Variants in ILDR2 observed in about 807,000 individuals in gnomAD.
ILDR2 encodes the protein immunoglobulin-like domain-containing receptor 2.
In ILDR2, 25 loss-of-function variants were observed where a neutral mutation model predicts 66.8. That is an observed-to-expected ratio of 0.37 (90% CI 0.27 to 0.52). The LOEUF is 0.52. ILDR2 is among the 20% of genes least tolerant of loss of function. The pLI is 0.88. For missense variants in ILDR2, 827 were observed against 876.8 expected (o/e 0.94, Z 0.72); for synonymous variants, 367 against 357.2 (o/e 1.03, Z -0.31).
chr1:166,960,085 G>A (rs1215943056), intron 1 of ILDR2, among the ~76,000 whole-genome samples: 1 of 152,152 alleles, frequency 6.6e-6, no homozygotes, highest in Non-Finnish European at 1.5e-5. Context: ...CAAGATACAT[G>A]TTTGTACTCA....
chr1:166,964,017 T>C (rs1662779886), intron 1 of ILDR2, among the ~76,000 whole-genome samples: 1 of 151,932 alleles, frequency 6.6e-6, no homozygotes, highest in Non-Finnish European at 1.5e-5. Context: ...AAGCAGGTAT[T>C]CTGGAAAACT....
At chr1:166,944,656 C>T (rs796994774) in intron 3 of ILDR2, among the ~76,000 whole-genome samples, 6 of 152,248 alleles carry the variant, frequency 3.9e-5, no homozygotes, top group African/African-American at 1.4e-4. Flanking sequence ...TAGGTTAGCC[C>T]CCTCAAAGCA....
At chr1:166,935,159 A>T (rs1660872195) in intron 6 of ILDR2, 142 bp downstream of exon 6, 2 of 827,546 alleles carry the variant, frequency 2.4e-6, no homozygotes, top group Non-Finnish European at 3.9e-6. Flanking sequence ...AAGATATCTG[A>T]CATAGCTGGA....
intron 2 of ILDR2, among the ~76,000 whole-genome samples, chr1:166,897,359 A>G (rs1177576475): frequency 6.6e-6 from 1 of 152,114 alleles, no homozygotes; most frequent in African/African-American, 2.4e-5. Context: ...GGTAAACTCT[A>G]AACTTTGGGA....
intron 3 of ILDR2, among the ~76,000 whole-genome samples, chr1:166,948,138 C>T (rs1035928135): frequency 3.3e-5 from 5 of 152,060 alleles, no homozygotes; most frequent in African/African-American, 9.7e-5. Flanking sequence ...TGCCAGATAG[C>T]AGCAGGGTTC....
At position 166,975,177 on chromosome 1, in the gene ILDR2, A is replaced by G. The variant is rs1196889139; in HGVS notation, c.46+46T>C. 7 of 1,481,868 alleles carry G rather than the reference A, an allele frequency of 4.7e-6. No individual in the cohort carries two copies. In the South Asian group the frequency reaches 5.7e-5, roughly 12 times the overall value. 91.8% of individuals were successfully genotyped at this position (1,481,868 alleles called of 1,614,324 possible). A position where few individuals can be genotyped will look rare whatever the true frequency, so the allele number is the denominator to read the frequency against. On this transcript the variant is annotated intron_variant, in intron 1 of 9. Coordinates refer to ENST00000271417, the MANE Select transcript of ILDR2 (RefSeq NM_199351.3). ...GGGGCGCGGTGAGAACAGAACCACT[A>G]CAGGAATATACAAAGTTATTCGTTT...
intron 1 of ILDR2, among the ~76,000 whole-genome samples, chr1:166,963,269 C>T (rs1261926159): frequency 1.3e-5 from 2 of 152,230 alleles, no homozygotes; most frequent in Non-Finnish European, 2.9e-5. Flanking sequence ...AAAATGCTTA[C>T]TGTGTGTCAG....
At chr1:166,946,795 C>T (rs1661638286) in intron 3 of ILDR2, among the ~76,000 whole-genome samples, 1 of 152,214 alleles carries the variant, frequency 6.6e-6, no homozygotes, top group African/African-American at 2.4e-5. Flanking sequence ...CACCAACTGC[C>T]TTCTAGTCTC....
Position 166,957,949 on chromosome 1 carries a change from C to T in ILDR2, c.199G>A (p.Gly67Arg), listed in dbSNP as rs1662379229. 10 of 1,614,114 alleles carry T rather than the reference C, an allele frequency of 6.2e-6. No individual in the cohort carries two copies. Among genetic ancestry groups the T allele is most frequent in the Non-Finnish European group, 7.6e-6 (9 of 1,180,024 alleles). Residue 67 changes from glycine to arginine, a missense_variant, in exon 2 of 10, where the codon GGA becomes AGA. Gly to Arg is a moderately radical substitution (Grantham distance 125). Transcript: ENST00000271417. Reference protein sequence around the residue: ...KFKSYCQDRMGESLGMSSTRA... With the variant: ...KFKSYCQDRMRESLGMSSTRA... ...GTAGAGGACATGCCCAAGGATTCTCCCATGCGATCCTGGCAGTAGGACTTG... is the reference window on the plus strand; with the variant it reads ...GTAGAGGACATGCCCAAGGATTCTCTCATGCGATCCTGGCAGTAGGACTTG...
chr1:166,947,755 C>A (rs979408854), intron 3 of ILDR2, among the ~76,000 whole-genome samples: 31 of 152,186 alleles, frequency 2.0e-4, no homozygotes, highest in Non-Finnish European at 4.3e-4. Context: ...CCCGGGGTAA[C>A]CACGGTAACC....
rs1020409110 is a variant in ILDR2, at chr1:166,908,252, C to G, written c.*11103G>C. The G allele has an allele frequency of 6.6e-6, 1 of 152,142 alleles. No homozygotes were observed. The highest frequency in any genetic ancestry group is 1.9e-4 in the East Asian group (1 of 5,198). 9.4% of individuals were successfully genotyped at this position (152,142 alleles called of 1,614,324 possible). ...TCTGGGAAGTCCAAGCTCAGTGCAC[C>G]AATACATTCAGTTCCTGGCGAAGGT... is the stretch of plus-strand genomic sequence containing the variant. On this transcript the variant is annotated 3_prime_UTR_variant, in exon 10 of 10. Transcript: ENST00000271417.
rs895640238 is a variant in ILDR2, at chr1:166,915,184, TTC to T, written c.*4169_*4170del. 5.9e-5 allele frequency: 9 copies of T among 152,212 alleles called. No homozygotes were observed. Among genetic ancestry groups the T allele is most frequent in the Non-Finnish European group, 1.2e-4 (8 of 68,048 alleles). The allele number at this position is 152,212 out of a possible 1,614,324, so 9.4% of individuals were successfully genotyped here. On this transcript the variant is annotated 3_prime_UTR_variant, in exon 10 of 10. Coordinates refer to ENST00000271417, the MANE Select transcript of ILDR2 (RefSeq NM_199351.3). ...CCCTGGGAGTGCTCCTGACACTCCT[TTC>T]TCTCTGCCTGTTTTCCCACTACCAC...
chr1:166,961,243 A>G (rs898872342), intron 1 of ILDR2, among the ~76,000 whole-genome samples: 1 of 152,156 alleles, frequency 6.6e-6, no homozygotes, highest in African/African-American at 2.4e-5. Context: ...AGTGAGATTT[A>G]TTTATTTTTT....
chr1:166,896,038 T>C (rs1659161547), exon 3 of ILDR2: 1 of 152,238 alleles, frequency 6.6e-6, no homozygotes, highest in Admixed American at 6.5e-5. Flanking sequence ...ATGAGGGTCT[T>C]ATGTCCTGCT....
At chr1:166,956,241 A>T (rs1163692139) in intron 3 of ILDR2, among the ~76,000 whole-genome samples, 1 of 152,192 alleles carries the variant, frequency 6.6e-6, no homozygotes, top group Admixed American at 6.5e-5. Context: ...TTTATTGGGC[A>T]TCTTTTATTA....
intron 6 of ILDR2, among the ~76,000 whole-genome samples, chr1:166,930,164 A>T (rs1416023567): frequency 6.6e-6 from 1 of 152,180 alleles, no homozygotes; most frequent in Non-Finnish European, 1.5e-5. Flanking sequence ...GTTAATTGCC[A>T]CTTGGACTAG....
chr1:166,953,565 T>G (rs1264070617), intron 3 of ILDR2, among the ~76,000 whole-genome samples: 1 of 152,218 alleles, frequency 6.6e-6, no homozygotes, highest in African/African-American at 2.4e-5. Flanking sequence ...TCAATAGTTT[T>G]TTTCTTCACT....
rs747284993 is a variant in ILDR2, at chr1:166,936,580, A to G, written c.703+11T>C. On this transcript the variant is annotated intron_variant, in intron 5 of 9. Coordinates refer to ENST00000271417, the MANE Select transcript of ILDR2 (RefSeq NM_199351.3). The surrounding 1 kb of genome is among the most constrained non-coding windows in gnomAD (Gnocchi z 5.0). ...CGATCGCTCTGTCTCCCCAGCGGTC[A>G]CTGTACTCACAGGCTTGAGGGCAGC... 1 of 1,614,102 alleles carries G rather than the reference A, an allele frequency of 6.2e-7. No individual in the cohort carries two copies. The highest frequency in any genetic ancestry group is 2.2e-5 in the East Asian group (1 of 44,874).
At chr1:166,967,652 G>C (rs1663041956) in intron 1 of ILDR2, among the ~76,000 whole-genome samples, 1 of 152,138 alleles carries the variant, frequency 6.6e-6, no homozygotes, top group South Asian at 2.1e-4. Context: ...AGCTTCTTGG[G>C]AGGCTGAGGT....
Sources: gnomAD v4.1 joint callset for allele counts (sites outside exome capture counted in the v4.1 genomes callset) on GRCh38, gnomAD v4.1.1 for gene constraint, Gnocchi (gnomAD v3.1) non-coding constraint, MANE v1.5 for transcripts, NCBI Gene and HGNC (gene_info 2026-07-23, HGNC 2026-07-21) for gene names.